Variants in GSTA4 observed in about 807,000 individuals in gnomAD.
GSTA4 encodes the protein glutathione S-transferase A4.
GSTA4 carries 15 observed loss-of-function variants against 24.4 expected under a neutral mutation model. The ratio of observed to expected loss-of-function variants is 0.61; its 90% CI spans 0.41 to 0.95. GSTA4 has a LOEUF of 0.95. Ranked by LOEUF, GSTA4 falls within the 40% of genes least tolerant of loss-of-function variation. The pLI is 0.00. For missense variants in GSTA4, 244 were observed against 262.1 expected (o/e 0.93, Z 0.48); for synonymous variants, 92 against 94.2 (o/e 0.98, Z 0.13).
chr6:52,979,112 G>A (rs1763401468), intron 6 of GSTA4, among the ~76,000 whole-genome samples: 1 of 152,126 alleles, frequency 6.6e-6, no homozygotes, highest in South Asian at 2.1e-4. Flanking sequence ...AAAGGAAGGG[G>A]AAAACTCACT....
chr6:52,984,423 G>A (rs1030842219), intron 5 of GSTA4, 41 bp downstream of exon 5: 1 of 1,571,384 alleles, frequency 6.4e-7, no homozygotes, highest in African/African-American at 1.4e-5. Flanking sequence ...TGTGGTTTGT[G>A]GTTTGGTTGC....
intron 2 of GSTA4, among the ~76,000 whole-genome samples, chr6:52,988,161 T>C (rs1763597775): frequency 6.6e-6 from 1 of 152,090 alleles, no homozygotes; most frequent in South Asian, 2.1e-4. Context: ...GAGAAAGGCA[T>C]GGAGGGCCCT....
intron 4 of GSTA4, 59 bp from the exon 5 acceptor site, chr6:52,984,664 C>A: frequency 2.0e-5 from 25 of 1,239,796 alleles, no homozygotes; most frequent in Non-Finnish European, 2.7e-5. Flanking sequence ...TCAGTTTCCA[C>A]AACTAAGAAT....
At chr6:52,985,908 G>C (rs45444294) in intron 3 of GSTA4, among the ~76,000 whole-genome samples, 7,069 of 152,082 alleles carry the variant, frequency 0.046, 228 homozygotes, top group Non-Finnish European at 0.068. Context: ...AAAATTAGCC[G>C]GGTGTGGTAG....
At chr6:52,992,505 C>T (rs1763680093) in intron 2 of GSTA4, among the ~76,000 whole-genome samples, 1 of 152,206 alleles carries the variant, frequency 6.6e-6, no homozygotes, top group African/African-American at 2.4e-5. Context: ...ACTACCTTAA[C>T]CATGTGATCC....
chr6:52,986,199 C>T (rs1449699021), intron 3 of GSTA4, among the ~76,000 whole-genome samples: 1 of 152,176 alleles, frequency 6.6e-6, no homozygotes. Context: ...CAGCAGTCAC[C>T]AGCTACACGC....
Position 52,981,726 on chromosome 6 carries a change from T to TA in GSTA4, c.546+847dup, listed in dbSNP as rs1763454648. ...GGAGATAAAAGGCTAAGGTTCTAGATAAAACTCAAGCATCCACTGCCTAAG... is the reference window on the plus strand; with the variant it reads ...GGAGATAAAAGGCTAAGGTTCTAGATAAAAACTCAAGCATCCACTGCCTAAG... On this transcript the variant is annotated intron_variant, in intron 6 of 6. Transcript: ENST00000370963. 2.8e-5 allele frequency among the ~76,000 whole-genome samples: 3 copies of TA among 106,344 alleles called. No homozygotes were observed. The South Asian group carries it at 9.3e-4, about 33-fold the overall frequency. The allele number at this position is 106,344 out of a possible 152,430, so 69.8% of individuals were successfully genotyped here.
At chr6:52,990,142 G>A (rs1372512823) in intron 2 of GSTA4, among the ~76,000 whole-genome samples, 1 of 152,216 alleles carries the variant, frequency 6.6e-6, no homozygotes, top group Non-Finnish European at 1.5e-5. Context: ...GGCAAGTAAA[G>A]TTCCAAGCAT....
rs1581909069 is a variant in GSTA4, at chr6:52,982,856, T to C, written c.415-151A>G. 5 of 637,078 alleles carry C rather than the reference T, an allele frequency of 7.8e-6. No homozygotes were observed. The East Asian group carries it at 1.2e-4, about 15-fold the overall frequency. 39.5% of individuals were successfully genotyped at this position (637,078 alleles called of 1,614,324 possible). A position where few individuals can be genotyped will look rare whatever the true frequency, so the allele number is the denominator to read the frequency against. ...ACATCAATTAAGAGAACGCACCCTATATCTGACAGAGAGAGTGAGAGAGAG... is the reference window on the plus strand; with the variant it reads ...ACATCAATTAAGAGAACGCACCCTACATCTGACAGAGAGAGTGAGAGAGAG... On this transcript the variant is annotated intron_variant, in intron 5 of 6. Transcript: ENST00000370963.
chr6:52,991,564 G>C (rs1450730379), intron 2 of GSTA4, among the ~76,000 whole-genome samples: 1 of 152,144 alleles, frequency 6.6e-6, no homozygotes, highest in African/African-American at 2.4e-5. Flanking sequence ...TAATTTATGG[G>C]AAGTACAGAG....
intron 6 of GSTA4, among the ~76,000 whole-genome samples, chr6:52,981,957 G>A (rs1340908389): frequency 6.6e-6 from 1 of 152,196 alleles, no homozygotes; most frequent in Non-Finnish European, 1.5e-5. Context: ...CCTTTGGGGT[G>A]ATGTTTAGGG....
chr6:52,985,302 A>G (rs1763529629), intron 4 of GSTA4, 149 bp downstream of exon 4: 2 of 593,644 alleles, frequency 3.4e-6, no homozygotes, highest in Non-Finnish European at 5.7e-6. Context: ...TGAAGTTCCA[A>G]CTGGTCTTCG....
intron 2 of GSTA4, among the ~76,000 whole-genome samples, chr6:52,992,791 G>A (rs984749314): frequency 1.3e-5 from 2 of 152,090 alleles, no homozygotes; most frequent in South Asian, 2.1e-4. Context: ...ATGTTGGATC[G>A]CGGGATAGTA....
chr6:52,980,700 G>A (rs1763435942), intron 6 of GSTA4, among the ~76,000 whole-genome samples: 1 of 152,134 alleles, frequency 6.6e-6, no homozygotes, highest in Admixed American at 6.6e-5. Context: ...TTCTAAATGT[G>A]TTTCTCAGAA....
intron 2 of GSTA4, among the ~76,000 whole-genome samples, chr6:52,988,640 C>A (rs1763608074): frequency 6.6e-6 from 1 of 152,040 alleles, no homozygotes; most frequent in Admixed American, 6.5e-5. Context: ...AAAGTCAGGT[C>A]CTGTTGATGA....
chr6:52,995,155 A>C (rs914432091), intron 1 of GSTA4, 94 bp downstream of exon 1: 1 of 152,952 alleles, frequency 6.5e-6, no homozygotes, highest in Admixed American at 6.5e-5. Flanking sequence ...GAGTGAGGGA[A>C]GAATGCGAGA....
At chr6:52,991,475 C>T (rs1166470265) in intron 2 of GSTA4, among the ~76,000 whole-genome samples, 4 of 151,454 alleles carry the variant, frequency 2.6e-5, no homozygotes, top group African/African-American at 9.7e-5. Context: ...TCTCTTCTGA[C>T]ATAGTCTGGC....
intron 1 of GSTA4, among the ~76,000 whole-genome samples, chr6:52,994,797 C>T (rs369226986): frequency 1.7e-4 from 26 of 152,086 alleles, no homozygotes; most frequent in African/African-American, 6.0e-4. Context: ...GGTGGCTGCG[C>T]CCCCCGGGTC....
chr6:52,983,367 T>A (rs1763489585), intron 5 of GSTA4, among the ~76,000 whole-genome samples: 1 of 152,098 alleles, frequency 6.6e-6, no homozygotes, highest in South Asian at 2.1e-4. Context: ...AAAGGGGAGA[T>A]CCCCTTCACA....
Sources: allele counts gnomAD v4.1 joint callset (sites outside exome capture counted in the v4.1 genomes callset), GRCh38; gene constraint gnomAD v4.1.1; transcripts MANE v1.5; gene names NCBI Gene and HGNC (gene_info 2026-07-23, HGNC 2026-07-21).